NOTCH2NLA: variants seen among roughly 807,000 people sequenced by gnomAD.
NOTCH2NLA encodes notch homolog 2 N-terminal-like protein A.
chr1:146,153,974 T>C (rs1402004412), downstream of NOTCH2NLA: 15 of 139,676 alleles, frequency 1.1e-4, no homozygotes, highest in African/African-American at 4.3e-4. Context: ...AACTAGTCTA[T>C]GTAACTACTT....
At chr1:146,228,627 AGAG>A in intron 1 of NOTCH2NLA, 79 bp downstream of exon 1, 2 of 1,435,156 alleles carry the variant, frequency 1.4e-6, no homozygotes, top group Non-Finnish European at 1.8e-6. Flanking sequence ...CTTCCCACAC[AGAG>A]AAGGACCGAG....
intron 2 of NOTCH2NLA, among the ~76,000 whole-genome samples, chr1:146,165,488 TATC>T (rs1263527718): frequency 5.2e-5 from 4 of 76,206 alleles, no homozygotes; most frequent in Admixed American, 1.6e-4. Flanking sequence ...ATATGTAAGA[TATC>T]ATGTGCTTTT....
intron 3 of NOTCH2NLA, among the ~76,000 whole-genome samples, chr1:146,158,817 TG>T (rs1661302087): frequency 6.7e-6 from 1 of 150,258 alleles, no homozygotes. Flanking sequence ...AGATGCGAGA[TG>T]TGACATATGA....
At chr1:146,172,735 T>A (rs1166209591) in intron 2 of NOTCH2NLA, among the ~76,000 whole-genome samples, 31 of 151,838 alleles carry the variant, frequency 2.0e-4, no homozygotes, top group Non-Finnish European at 1.2e-4. Flanking sequence ...TTGTCTCCGC[T>A]GGTATGGTTC....
chr1:146,204,285 CT>C (rs1230049302), intron 1 of NOTCH2NLA: 1 of 60,632 alleles, frequency 1.6e-5, no homozygotes, highest in African/African-American at 7.5e-5. Flanking sequence ...TACTGTCCTT[CT>C]TATGTTAAAA....
chr1:146,162,469 T>C (rs587716323), intron 3 of NOTCH2NLA, among the ~76,000 whole-genome samples: 1 of 121,782 alleles, frequency 8.2e-6, no homozygotes, highest in Non-Finnish European at 1.7e-5. Context: ...TGTGAAGGTG[T>C]TGCCAAAGGA....
chr1:146,174,449 A>AAACAAC (rs1327240768), intron 2 of NOTCH2NLA, among the ~76,000 whole-genome samples: 4 of 149,772 alleles, frequency 2.7e-5, no homozygotes, highest in East Asian at 3.9e-4. Context: ...GCCATTCAAG[A>AAACAAC]AACAACAACA....
At chr1:146,156,981 CCT>C (rs1224028025) in intron 3 of NOTCH2NLA, among the ~76,000 whole-genome samples, 166 bp from the exon 4 acceptor site, 1 of 151,680 alleles carries the variant, frequency 6.6e-6, no homozygotes, top group African/African-American at 2.4e-5. Context: ...GACACAGAGC[CCT>C]CTCCAGTAAC....
At chr1:146,178,187 C>T (rs1361948352) in intron 2 of NOTCH2NLA, among the ~76,000 whole-genome samples, 1 of 140,756 alleles carries the variant, frequency 7.1e-6, no homozygotes, top group African/African-American at 2.5e-5. Context: ...AACTGGCCAA[C>T]ATGAGAGCCT....
Position 146,186,908 on chromosome 1 carries a change from T to C in NOTCH2NLA, c.38+2392A>G, listed in dbSNP as rs1423949992. On this transcript the variant is annotated intron_variant, in intron 2 of 4. Coordinates refer to ENST00000362074, the Ensembl canonical transcript of NOTCH2NLA. ...TAAGTTTTGGGATACATGTGCAGAA[T>C]GTGCAGGTTTGTTTCATAGGCATAC... 8.1e-5 allele frequency among the ~76,000 whole-genome samples: 11 copies of C among 135,680 alleles called. 3 individuals are homozygous for C. Among genetic ancestry groups the C allele is most frequent in the Non-Finnish European group, 1.7e-4 (10 of 58,572 alleles). The allele number at this position is 135,680 out of a possible 152,430, so 89.0% of individuals were successfully genotyped here. A position where few individuals can be genotyped will look rare whatever the true frequency, so the allele number is the denominator to read the frequency against.
At chr1:146,207,868 C>G (rs1663672018) in intron 1 of NOTCH2NLA, among the ~76,000 whole-genome samples, 1 of 36,876 alleles carries the variant, frequency 2.7e-5, no homozygotes, top group African/African-American at 1.1e-4. Flanking sequence ...GTCACCCAGA[C>G]AGATGTGCAG....
At chr1:146,159,068 G>T (rs1450495295) in intron 3 of NOTCH2NLA, among the ~76,000 whole-genome samples, 1 of 152,030 alleles carries the variant, frequency 6.6e-6, no homozygotes, top group African/African-American at 2.4e-5. Flanking sequence ...GAAACAGAAA[G>T]ATCCCCGGGC....
chr1:146,183,260 T>TGAC (rs1382531078), intron 2 of NOTCH2NLA, among the ~76,000 whole-genome samples: 1 of 131,958 alleles, frequency 7.6e-6, no homozygotes, highest in Non-Finnish European at 1.7e-5. Context: ...AATTATTTTA[T>TGAC]GACTTCCCAA....
exon 1 of NOTCH2NLA, chr1:146,228,820 C>A: frequency 6.5e-7 from 1 of 1,531,482 alleles, no homozygotes; most frequent in Non-Finnish European, 8.7e-7. Context: ...GCCGCGGCCG[C>A]CTGGGCAGAT....
intron 1 of NOTCH2NLA, among the ~76,000 whole-genome samples, chr1:146,194,881 ATCG>A (rs1663100117): frequency 1.8e-5 from 2 of 111,964 alleles, no homozygotes; most frequent in Non-Finnish European, 3.7e-5. Flanking sequence ...TCCTGAATAG[ATCG>A]TCATTGAACT....
At chr1:146,159,337 T>A (rs1553803660) in intron 3 of NOTCH2NLA, among the ~76,000 whole-genome samples, 2 of 126,200 alleles carry the variant, frequency 1.6e-5, no homozygotes, top group Admixed American at 9.0e-5. Context: ...AGCAACAGAG[T>A]GAGAAGAAAG....
chr1:146,223,719 AGCC>A (rs1664125539), intron 1 of NOTCH2NLA, among the ~76,000 whole-genome samples: 1 of 37,210 alleles, frequency 2.7e-5, no homozygotes, highest in East Asian at 7.1e-4. Flanking sequence ...GGAAAATTTC[AGCC>A]ACTCCTTAAT....
chr1:146,183,609 G>A (rs1456230880), intron 2 of NOTCH2NLA, among the ~76,000 whole-genome samples: 1 of 118,286 alleles, frequency 8.5e-6, no homozygotes, highest in Non-Finnish European at 1.8e-5. Flanking sequence ...TTTCAGCTGA[G>A]AAGAAAGAGA....
intron 2 of NOTCH2NLA, among the ~76,000 whole-genome samples, chr1:146,187,035 C>G (rs1181735014): frequency 1.5e-5 from 2 of 129,166 alleles, no homozygotes; most frequent in Admixed American, 8.2e-5. Flanking sequence ...CCTTTCCCCC[C>G]ACCCCCTGAC....
Sources: gnomAD v4.1 joint callset for allele counts (sites outside exome capture counted in the v4.1 genomes callset) on GRCh38, gnomAD v4.1.1 for gene constraint, MANE v1.5 for transcripts, NCBI Gene and HGNC (gene_info 2026-07-23, HGNC 2026-07-21) for gene names.